MCM9: variants seen among roughly 807,000 people sequenced by gnomAD.
The protein encoded by MCM9 is minichromosome maintenance 9 homologous recombination repair factor.
In MCM9, 55 loss-of-function variants were observed where a neutral mutation model predicts 72.8. The ratio of observed to expected loss-of-function variants is 0.76; its 90% CI spans 0.61 to 0.95. MCM9 has a LOEUF of 0.95. Ranked by LOEUF, MCM9 falls within the 40% of genes least tolerant of loss-of-function variation. The pLI is 0.00. For missense variants in MCM9, 1,279 were observed against 1,377.0 expected, an observed-to-expected ratio of 0.93 and a Z score of 1.13; for synonymous variants, 480 against 503.4, an observed-to-expected ratio of 0.95 and a Z score of 0.62.
At chr6:118,824,056 TTTTTTTTTTTTTTTAGAC>T (rs1284803849) in intron 13 of MCM9, among the ~76,000 whole-genome samples, 1 of 132,268 alleles carries the variant, frequency 7.6e-6, no homozygotes, top group African/African-American at 2.8e-5. Context: ...TTTTTTTTTT[TTTTTTTTTTTTTTTAGAC>T]AGAGTCTCTC....
chr6:118,817,136 T>C (rs1279519364), intron 13 of MCM9, among the ~76,000 whole-genome samples: 1 of 152,150 alleles, frequency 6.6e-6, no homozygotes, highest in East Asian at 1.9e-4. Flanking sequence ...CTTGTTTTTT[T>C]TTACTTTAAG....
At chr6:118,832,676 A>G (rs1434279741) in intron 9 of MCM9, among the ~76,000 whole-genome samples, 1 of 152,244 alleles carries the variant, frequency 6.6e-6, no homozygotes, top group Admixed American at 6.5e-5. Flanking sequence ...CACAGTAGTA[A>G]CTGTTCTACT....
At chr6:118,931,361 A>G in intron 3 of MCM9, 59 bp downstream of exon 3, 2 of 1,358,560 alleles carry the variant, frequency 1.5e-6, no homozygotes, top group Non-Finnish European at 2.0e-6. Flanking sequence ...TAAATCTAGT[A>G]TATTTTCTCA....
intron 8 of MCM9, among the ~76,000 whole-genome samples, chr6:118,906,507 A>G (rs1165598471): frequency 1.3e-5 from 2 of 152,194 alleles, no homozygotes; most frequent in East Asian, 3.9e-4. Flanking sequence ...CTAATTATTC[A>G]ATGATGATAT....
chr6:118,830,585 G>A (rs1234550927), intron 9 of MCM9, among the ~76,000 whole-genome samples: 1 of 152,028 alleles, frequency 6.6e-6, no homozygotes, highest in East Asian at 1.9e-4. Flanking sequence ...TGTAATAAGC[G>A]GTTCCTAAGT....
In MCM9 at chr6:118,843,655, T is replaced by TATATATACACGTATATATATATATAC. The variant is rs1491542240; in HGVS notation, c.1325+12715_1325+12716insGTATATATATATATACGTGTATATAT. Among the ~76,000 whole-genome samples the TATATATACACGTATATATATATATAC allele has an allele frequency of 5.2e-4, 20 of 38,602 alleles. 4 individuals carry two copies. Among genetic ancestry groups the TATATATACACGTATATATATATATAC allele is most frequent in the South Asian group, 1.9e-3 (2 of 1,074 alleles). The allele number at this position is 38,602 out of a possible 152,430, so 25.3% of individuals were successfully genotyped here. On this transcript the variant is annotated intron_variant, in intron 9 of 13. Transcript: ENST00000619706. Reference sequence around the variant, plus strand: ...ACAAAACAAAACATATATATATATATGTGTATATATATATGTATGTATATA... The same window carrying TATATATACACGTATATATATATATAC: ...ACAAAACAAAACATATATATATATATATATATACACGTATATATATATATACGTGTATATATATATGTATGTATATA...
chr6:118,816,195 G>C lies in MCM9; in HGVS notation c.2061C>G (p.Phe687Leu). The C allele has an allele frequency of 6.4e-7, 1 of 1,550,506 alleles. No homozygotes were observed. The highest frequency in any genetic ancestry group is 2.0e-5 in the Admixed American group (1 of 50,988). ...TGATTTCCTGCTGTGATGAAGTTCTGAAGTTTGATTCTTCCCCTGGACCAT... is the reference window on the plus strand; with the variant it reads ...TGATTTCCTGCTGTGATGAAGTTCTCAAGTTTGATTCTTCCCCTGGACCAT... Reference protein sequence around the residue: ...LRNGPGEESNFRTSSQQEINY... With the variant: ...LRNGPGEESNLRTSSQQEINY... Residue 687 changes from phenylalanine to leucine, a missense_variant, in exon 14 of 14, where the codon TTC becomes TTG. Coordinates refer to ENST00000619706, the MANE Select transcript of MCM9 (RefSeq NM_017696.3).
rs1773287685 is a variant in MCM9 at position 118,814,521 on chromosome 6, A to C, written c.*303T>G. 1 of 225,492 alleles carries C rather than the reference A, an allele frequency of 4.4e-6. No homozygotes were observed. Among genetic ancestry groups the C allele is most frequent in the African/African-American group, 2.3e-5 (1 of 44,296 alleles). 14.0% of individuals were successfully genotyped at this position (225,492 alleles called of 1,614,324 possible). A position where few individuals can be genotyped will look rare whatever the true frequency, so the allele number is the denominator to read the frequency against. ...AGGGAAGAACCTCTCCCCCTTAAAA[A>C]CAAAACAAAACAAAAAACAGAAACA... is the stretch of plus-strand genomic sequence containing the variant. On this transcript the variant is annotated 3_prime_UTR_variant, in exon 14 of 14. Coordinates refer to ENST00000619706, the MANE Select transcript of MCM9 (RefSeq NM_017696.3).
rs1430045698 is a variant in MCM9, at chr6:118,934,941, C to G, written c.-200G>C. ...CGCGTTGCTCCCGAGGCCGAAGGGC[C>G]CAGAGAGCTCCAGCCAGGCAGCGGG... On this transcript the variant is annotated 5_prime_UTR_variant, in exon 1 of 14. Transcript: ENST00000619706. 2.0e-5 allele frequency: 3 copies of G among 152,156 alleles called. No homozygotes were observed. The highest frequency in any genetic ancestry group is 7.2e-5 in the African/African-American group (3 of 41,410). 9.4% of individuals were successfully genotyped at this position (152,156 alleles called of 1,614,324 possible).
At chr6:118,911,240 G>A in intron 8 of MCM9, 3 of 987,462 alleles carry the variant, frequency 3.0e-6, no homozygotes, top group African/African-American at 1.7e-5. Context: ...TTCAGTAGGA[G>A]CTACTGTTGC....
chr6:118,833,275 T>C (rs964913704), intron 9 of MCM9, among the ~76,000 whole-genome samples: 9 of 151,982 alleles, frequency 5.9e-5, no homozygotes, highest in Non-Finnish European at 1.2e-4. Flanking sequence ...TGAAAAGCAA[T>C]GAAGACATCT....
intron 9 of MCM9, among the ~76,000 whole-genome samples, chr6:118,849,282 G>A (rs1776077778): frequency 6.6e-6 from 1 of 151,874 alleles, no homozygotes; most frequent in African/African-American, 2.4e-5. Flanking sequence ...CCTTCATAAA[G>A]CAGAAATTAC....
At chr6:118,849,168 A>G (rs537745318) in intron 9 of MCM9, among the ~76,000 whole-genome samples, 1 of 151,890 alleles carries the variant, frequency 6.6e-6, no homozygotes, top group Non-Finnish European at 1.5e-5. Flanking sequence ...ACAAATATAA[A>G]TATTATGAAA....
intron 8 of MCM9, among the ~76,000 whole-genome samples, chr6:118,867,583 T>C (rs1777296343): frequency 6.6e-6 from 1 of 152,176 alleles, no homozygotes; most frequent in African/African-American, 2.4e-5. Flanking sequence ...GATACACAAT[T>C]ACTTATCATT....
At chr6:118,888,283 G>A (rs1336960519) in intron 8 of MCM9, among the ~76,000 whole-genome samples, 1 of 152,070 alleles carries the variant, frequency 6.6e-6, no homozygotes, top group African/African-American at 2.4e-5. Context: ...TCAGTAGATC[G>A]AGACCATCCT....
intron 13 of MCM9, among the ~76,000 whole-genome samples, chr6:118,822,568 G>T (rs892192275): frequency 7.9e-5 from 12 of 152,180 alleles, no homozygotes; most frequent in African/African-American, 2.9e-4. Flanking sequence ...CTGCTGGGTG[G>T]TCTCTCTCAG....
intron 8 of MCM9, among the ~76,000 whole-genome samples, chr6:118,879,666 C>T (rs982158709): frequency 2.6e-5 from 4 of 151,448 alleles, no homozygotes; most frequent in African/African-American, 9.7e-5. Context: ...TAGTATGTGG[C>T]CTTTTACAGA....
chr6:118,929,237 A>C (rs983660055), intron 3 of MCM9, among the ~76,000 whole-genome samples: 3 of 152,134 alleles, frequency 2.0e-5, no homozygotes, highest in African/African-American at 7.2e-5. Flanking sequence ...AAAACAACAT[A>C]CCTTGAGTGA....
At chr6:118,849,850 T>C (rs748703065) in intron 9 of MCM9, among the ~76,000 whole-genome samples, 4 of 151,744 alleles carry the variant, frequency 2.6e-5, no homozygotes, top group Non-Finnish European at 5.9e-5. Flanking sequence ...CAGGCACACA[T>C]ACCTATCCCC....
Sources: gnomAD v4.1 joint callset for allele counts (sites outside exome capture counted in the v4.1 genomes callset) on GRCh38, gnomAD v4.1.1 for gene constraint, MANE v1.5 for transcripts, NCBI Gene and HGNC (gene_info 2026-07-23, HGNC 2026-07-21) for gene names.